Variants in ZNF827 observed in about 807,000 individuals in gnomAD.
ZNF827 encodes the protein zinc finger protein 827.
A neutral mutation model predicts 102.4 loss-of-function variants in ZNF827; 13 were observed. That is an observed-to-expected ratio of 0.13 (90% CI 0.08 to 0.20). ZNF827 has a LOEUF of 0.20. ZNF827 is among the 10% of genes least tolerant of loss of function. The probability of loss-of-function intolerance (pLI) is 1.00; values close to 1 mark genes in which losing one functional copy is unlikely to be tolerated. For synonymous variants in ZNF827, 523 were observed against 536.2 expected (o/e 0.98, Z 0.34); for missense variants, 1,103 against 1,344.4 (o/e 0.82, Z 2.81).
chr4:145,886,017 G>A lies in ZNF827; in HGVS notation c.1408C>T (p.Pro470Ser). Residue 470 changes from proline to serine, a missense_variant, in exon 4 of 15, where the codon CCA becomes TCA. By Grantham distance (74) the Pro-to-Ser change is moderately conservative (BLOSUM62 -1). Coordinates refer to ENST00000508784, the MANE Select transcript of ZNF827 (RefSeq NM_001306215.2). ...RTEAKVKEEI[P>S]DPDVKGSPHL... ...GGAGATCCCTTGACATCTGGGTCTG[G>A]GATCTCCTCCTTCACCTTGGCTTCT... The A allele has an allele frequency of 6.2e-7, 1 of 1,614,168 alleles. No homozygotes were observed. The highest frequency in any genetic ancestry group is 8.5e-7 in the Non-Finnish European group (1 of 1,180,020).
chr4:145,926,857 T>C (rs1204282455), intron 1 of ZNF827, among the ~76,000 whole-genome samples: 8 of 151,768 alleles, frequency 5.3e-5, no homozygotes, highest in Non-Finnish European at 1.0e-4. Flanking sequence ...TATCAACAAG[T>C]ATGTGAGTAG....
At chr4:145,847,441 C>T (rs542654297) in intron 6 of ZNF827, among the ~76,000 whole-genome samples, 20 of 152,234 alleles carry the variant, frequency 1.3e-4, no homozygotes, top group African/African-American at 4.8e-4. Context: ...TTGTGAGGCC[C>T]CTTTGTGAGA....
rs147112446 is a variant in ZNF827, at chr4:145,849,428, G to A, written c.2115C>T (p.Thr705=). The A allele has an allele frequency of 9.3e-6, 15 of 1,613,996 alleles. No individual in the cohort carries two copies. Among genetic ancestry groups the A allele is most frequent in the Middle Eastern group, 1.6e-4 (1 of 6,084 alleles). The change falls in exon 6 of 15, where the codon ACC becomes ACT. Residue 705 remains threonine (T), a synonymous_variant. Coordinates refer to ENST00000508784, the MANE Select transcript of ZNF827 (RefSeq NM_001306215.2). ...CCTCTGGCATCTTCTGTAAGGGTTCGGTTTTCTCTCGCCCGATTAAAGTGC... is the reference window on the plus strand; with the variant it reads ...CCTCTGGCATCTTCTGTAAGGGTTCAGTTTTCTCTCGCCCGATTAAAGTGC... ...GYSTLIGREK[T]EPLQKMPEGR...
At chr4:145,903,627 G>A (rs1284409971) in intron 1 of ZNF827, among the ~76,000 whole-genome samples, 2 of 152,164 alleles carry the variant, frequency 1.3e-5, no homozygotes, top group African/African-American at 2.4e-5. Flanking sequence ...GACACAGACC[G>A]TGAGACACAG....
At chr4:145,862,859 A>G (rs1462465393) in intron 5 of ZNF827, among the ~76,000 whole-genome samples, 1 of 152,230 alleles carries the variant, frequency 6.6e-6, no homozygotes, top group Admixed American at 6.5e-5. Flanking sequence ...AAAATGTGAT[A>G]GGGCTCACAA....
chr4:145,845,936 ACCC>A lies in ZNF827; in HGVS notation c.2279+17_2279+19del. 1 of 1,613,924 alleles carries A rather than the reference ACCC, an allele frequency of 6.2e-7. No individual in the cohort carries two copies. Among genetic ancestry groups the A allele is most frequent in the Non-Finnish European group, 8.5e-7 (1 of 1,179,924 alleles). Reference sequence around the variant, plus strand: ...GGCCCACACGGGGTGTTCTGGAGGAACCCACACAAAGTCGCCTACCTGGTCGTG... The same window carrying A: ...GGCCCACACGGGGTGTTCTGGAGGAAACACAAAGTCGCCTACCTGGTCGTG... On this transcript the variant is annotated intron_variant, in intron 7 of 14. Transcript: ENST00000508784.
intron 1 of ZNF827, among the ~76,000 whole-genome samples, chr4:145,923,450 TAAAAAA>T (rs70956881): frequency 7.6e-6 from 1 of 130,804 alleles, no homozygotes; most frequent in Admixed American, 7.5e-5. Context: ...ATTACAAATG[TAAAAAA>T]AAAAAAAAAA....
intron 11 of ZNF827, among the ~76,000 whole-genome samples, chr4:145,766,844 G>A (rs1735379394): frequency 6.6e-6 from 1 of 152,106 alleles, no homozygotes; most frequent in African/African-American, 2.4e-5. Flanking sequence ...AACTAAGAAA[G>A]GTCTCTTAGT....
chr4:145,896,255 A>G (rs1750963136), intron 2 of ZNF827, among the ~76,000 whole-genome samples: 1 of 152,216 alleles, frequency 6.6e-6, no homozygotes, highest in Non-Finnish European at 1.5e-5. Context: ...CTAACATCAC[A>G]TAATAAATAC....
At chr4:145,901,690 A>C (rs558219430) in intron 2 of ZNF827, among the ~76,000 whole-genome samples, 1 of 152,330 alleles carries the variant, frequency 6.6e-6, no homozygotes, top group East Asian at 1.9e-4. Context: ...TGGTGTGATA[A>C]ATTAGGGCAG....
chr4:145,866,863 A>G (rs1468967891), intron 5 of ZNF827, among the ~76,000 whole-genome samples: 1 of 152,228 alleles, frequency 6.6e-6, no homozygotes, highest in Non-Finnish European at 1.5e-5. Flanking sequence ...CAGAGACAAA[A>G]CAGACAAAAT....
chr4:145,917,700 C>CAAAAAAAAAAAAAAAAAAA (rs763617063), intron 1 of ZNF827, among the ~76,000 whole-genome samples: 2 of 46,850 alleles, frequency 4.3e-5, no homozygotes, highest in Non-Finnish European at 7.9e-5. Context: ...GGTAGCTGGT[C>CAAAAAAAAAAAAAAAAAAA]AAAAAAAAAA....
chr4:145,922,794 C>G (rs545458613), intron 1 of ZNF827, among the ~76,000 whole-genome samples: 1 of 152,290 alleles, frequency 6.6e-6, no homozygotes, highest in Admixed American at 6.5e-5. Flanking sequence ...ATTTGGCAGA[C>G]TCTTCATTGG....
intron 5 of ZNF827, among the ~76,000 whole-genome samples, chr4:145,856,136 A>G (rs1260583030): frequency 6.6e-6 from 1 of 151,962 alleles, no homozygotes; most frequent in Non-Finnish European, 1.5e-5. Context: ...CTGGGATTAC[A>G]GTCTTGCGCC....
At chr4:145,802,432 T>C (rs2127110477) in intron 8 of ZNF827, among the ~76,000 whole-genome samples, 1 of 152,274 alleles carries the variant, frequency 6.6e-6, no homozygotes, top group East Asian at 1.9e-4. Flanking sequence ...GGATGGGAGT[T>C]TGGATCCACA....
chr4:145,938,767 C>G lies in ZNF827; in HGVS notation c.-360G>C. 4.5e-6 allele frequency: 1 copy of G among 221,228 alleles called. No homozygotes were observed. 13.7% of individuals were successfully genotyped at this position (221,228 alleles called of 1,614,324 possible). ...ATGGGAGGTATAAATAAATGAGTGC[C>G]GGTGCGGCGGTGTCTATGGCCGCGC... On this transcript the variant is annotated 5_prime_UTR_variant, in exon 1 of 15. Transcript: ENST00000508784.
chr4:145,764,335 T>C (rs1456608727), intron 13 of ZNF827, among the ~76,000 whole-genome samples: 1 of 152,182 alleles, frequency 6.6e-6, no homozygotes, highest in Admixed American at 6.5e-5. Context: ...CCTGTGTGCC[T>C]GTTGGCACCT....
chr4:145,899,646 A>C (rs1751259564), intron 2 of ZNF827, among the ~76,000 whole-genome samples: 1 of 152,192 alleles, frequency 6.6e-6, no homozygotes, highest in East Asian at 1.9e-4. Context: ...TAACAATTTC[A>C]AGGACCCTCA....
chr4:145,907,616 A>G (rs1330146088), intron 1 of ZNF827, among the ~76,000 whole-genome samples: 2 of 152,226 alleles, frequency 1.3e-5, no homozygotes, highest in African/African-American at 2.4e-5. Context: ...CCTGCGGTAC[A>G]GTGACCGTGG....
Sources: gnomAD v4.1 joint callset for allele counts (sites outside exome capture counted in the v4.1 genomes callset) on GRCh38, gnomAD v4.1.1 for gene constraint, MANE v1.5 for transcripts, NCBI Gene and HGNC (gene_info 2026-07-23, HGNC 2026-07-21) for gene names.